Variants in CCSER1 observed in about 807,000 individuals in gnomAD.
The protein encoded by CCSER1 is coiled-coil serine rich protein 1, also known as serine-rich coiled-coil domain-containing protein 1.
In CCSER1, 41 loss-of-function variants were observed where a neutral mutation model predicts 82.0. The observed-to-expected ratio is 0.50, with a 90% confidence interval of 0.39 to 0.65. The LOEUF is 0.65. CCSER1 is among the 30% of genes least tolerant of loss of function. The pLI, the probability that CCSER1 is intolerant of heterozygous loss-of-function variation, is 0.00. For synonymous variants in CCSER1, 414 were observed against 383.9 expected (o/e 1.08, Z -0.92); for missense variants, 1,119 against 1,064.2 (o/e 1.05, Z -0.72).
intron 5 of CCSER1, among the ~76,000 whole-genome samples, chr4:90,596,142 A>C (rs562011910): frequency 6.6e-6 from 1 of 151,984 alleles, no homozygotes; most frequent in African/African-American, 2.4e-5. Context: ...CTTTGGAAAC[A>C]AAACTATTTC....
rs571126347 is a variant in CCSER1 at position 90,318,175 on chromosome 4, A to G, written c.1509+5128A>G. On this transcript the variant is annotated intron_variant, in intron 3 of 10. Coordinates refer to ENST00000509176, the MANE Select transcript of CCSER1 (RefSeq NM_001145065.2). ...AAACATCTCTGTAACTGAAGAATTC[A>G]TATATACTACAGGTTTTATTCTTTA... 3.3e-5 allele frequency among the ~76,000 whole-genome samples: 5 copies of G among 152,352 alleles called. No individual in the cohort carries two copies. The South Asian group carries it at 1.0e-3, about 32-fold the overall frequency.
chr4:90,225,179 C>A (rs943465497), intron 1 of CCSER1, among the ~76,000 whole-genome samples: 4 of 151,456 alleles, frequency 2.6e-5, no homozygotes, highest in African/African-American at 9.7e-5. Context: ...ATCCTCCCAA[C>A]TTGGACTCCT....
chr4:91,178,265 T>C (rs550836317), intron 10 of CCSER1, among the ~76,000 whole-genome samples: 7 of 152,304 alleles, frequency 4.6e-5, no homozygotes, highest in African/African-American at 9.6e-5. Flanking sequence ...TGTGGTGTGG[T>C]GCTGAGAAGA....
At chr4:91,537,010 T>C (rs1475890814) in intron 10 of CCSER1, among the ~76,000 whole-genome samples, 1 of 152,120 alleles carries the variant, frequency 6.6e-6, no homozygotes. Flanking sequence ...CTACCTTTTG[T>C]GATGTCTCCA....
intron 10 of CCSER1, among the ~76,000 whole-genome samples, chr4:91,244,332 G>A (rs1005130747): frequency 4.6e-5 from 7 of 152,166 alleles, no homozygotes; most frequent in Non-Finnish European, 1.0e-4. Flanking sequence ...TCCAAGCCTG[G>A]GGGAACTTAC....
intron 5 of CCSER1, among the ~76,000 whole-genome samples, chr4:90,530,500 C>T (rs567964305): frequency 6.6e-6 from 1 of 152,240 alleles, no homozygotes; most frequent in Admixed American, 6.5e-5. Flanking sequence ...GAGAGAGAGT[C>T]ACGTGCAAGG....
intron 8 of CCSER1, among the ~76,000 whole-genome samples, chr4:90,831,541 CTTGAG>C (rs925480494): frequency 4.6e-5 from 7 of 151,938 alleles, no homozygotes; most frequent in African/African-American, 1.7e-4. Context: ...GGCTACATAA[CTTGAG>C]TTATCTACAA....
At chr4:91,391,424 C>T (rs912943465) in intron 10 of CCSER1, among the ~76,000 whole-genome samples, 2 of 152,134 alleles carry the variant, frequency 1.3e-5, no homozygotes, top group African/African-American at 4.8e-5. Context: ...CCTCAGCCAT[C>T]AGAGCAGCTG....
rs573868888 is a variant in CCSER1, at chr4:91,386,356, TAAC to T, written c.2218-212211_2218-212209del. ...GGATAGCAAGGAATAATAAATTGTTTAACAACAGAATTCATGAGTCTATATTAG... is the reference window on the plus strand; with the variant it reads ...GGATAGCAAGGAATAATAAATTGTTTAACAGAATTCATGAGTCTATATTAG... On this transcript the variant is annotated intron_variant, in intron 10 of 10. Coordinates refer to ENST00000509176, the MANE Select transcript of CCSER1 (RefSeq NM_001145065.2). Among the ~76,000 whole-genome samples, 3 of 152,174 alleles carry T rather than the reference TAAC, an allele frequency of 2.0e-5. No homozygotes were observed. The South Asian group carries it at 6.2e-4, about 32-fold the overall frequency.
intron 10 of CCSER1, among the ~76,000 whole-genome samples, chr4:91,541,690 G>A (rs910880354): frequency 5.9e-5 from 9 of 152,184 alleles, no homozygotes; most frequent in South Asian, 2.1e-4. Flanking sequence ...ATAAACATAC[G>A]TGTGCATGTG....
intron 3 of CCSER1, among the ~76,000 whole-genome samples, chr4:90,318,853 G>T (rs1402913692): frequency 2.0e-5 from 3 of 152,144 alleles, no homozygotes; most frequent in Admixed American, 2.0e-4. Context: ...AAGAATCAAA[G>T]ATGAAAGAGA....
intron 3 of CCSER1, among the ~76,000 whole-genome samples, chr4:90,325,186 G>A (rs1422533914): frequency 1.3e-5 from 2 of 152,106 alleles, no homozygotes; most frequent in South Asian, 2.1e-4. Context: ...ACAATCACTC[G>A]GGGTTCTATT....
At chr4:90,944,860 T>G (rs1732039505) in intron 9 of CCSER1, among the ~76,000 whole-genome samples, 2 of 152,206 alleles carry the variant, frequency 1.3e-5, no homozygotes, top group Non-Finnish European at 2.9e-5. Context: ...AACTCCTTCT[T>G]CCCCACCTGC....
intron 8 of CCSER1, among the ~76,000 whole-genome samples, chr4:90,895,756 TA>T (rs546999292): frequency 1.1e-3 from 162 of 151,856 alleles, no homozygotes; most frequent in Non-Finnish European, 1.8e-3. Context: ...GTATATATTA[TA>T]TATATATTTC....
chr4:91,508,149 T>C (rs1233677557), intron 10 of CCSER1, among the ~76,000 whole-genome samples: 1 of 141,050 alleles, frequency 7.1e-6, no homozygotes, highest in African/African-American at 2.6e-5. Context: ...GATCCTTTTT[T>C]TTTTTTTTCT....
In CCSER1 at chr4:90,473,395, A is replaced by G. The variant is rs577717728; in HGVS notation, c.1724+5041A>G. ...ATATTATTTTATATAAATAAATCTA[A>G]CCTTAGGAATAGATTTGATTTATTG... On this transcript the variant is annotated intron_variant, in intron 5 of 10. Coordinates refer to ENST00000509176, the MANE Select transcript of CCSER1 (RefSeq NM_001145065.2). Among the ~76,000 whole-genome samples the G allele has an allele frequency of 2.0e-5, 3 of 152,136 alleles. No individual in the cohort carries two copies. The East Asian group carries it at 5.8e-4, about 29-fold the overall frequency.
At chr4:90,528,554 C>G (rs1004193073) in intron 5 of CCSER1, among the ~76,000 whole-genome samples, 2 of 152,104 alleles carry the variant, frequency 1.3e-5, no homozygotes, top group African/African-American at 4.8e-5. Context: ...CTCATGGATA[C>G]TCTGGGTTAT....
chr4:90,459,227 GTATTTTC>G (rs886729543), intron 4 of CCSER1, among the ~76,000 whole-genome samples: 9 of 152,222 alleles, frequency 5.9e-5, no homozygotes, highest in African/African-American at 2.2e-4. Flanking sequence ...ACAAGGTAAC[GTATTTTC>G]CAGCATTAGA....
At chr4:90,709,263 A>G (rs1203679481) in intron 6 of CCSER1, among the ~76,000 whole-genome samples, 1 of 152,060 alleles carries the variant, frequency 6.6e-6, no homozygotes, top group Non-Finnish European at 1.5e-5. Flanking sequence ...ATGTTTTAAA[A>G]TTTTTATCTA....
Sources: allele counts gnomAD v4.1 joint callset (sites outside exome capture counted in the v4.1 genomes callset), GRCh38; gene constraint gnomAD v4.1.1; transcripts MANE v1.5; gene names NCBI Gene and HGNC (gene_info 2026-07-23, HGNC 2026-07-21).